The following TBP variants were observed in gnomAD, a reference collection of about 807,000 sequenced individuals.
TBP encodes the protein TATA-box binding protein.
TBP carries 12 observed loss-of-function variants against 46.2 expected under a neutral mutation model. The ratio of observed to expected loss-of-function variants is 0.26; its 90% CI spans 0.17 to 0.42. The LOEUF is 0.42. TBP is among the 10% of genes least tolerant of loss of function. TBP has a pLI of 1.00. For missense variants in TBP, 229 were observed against 403.1 expected (o/e 0.57, Z 3.70); for synonymous variants, 157 against 148.3 (o/e 1.06, Z -0.42).
chr6:170,571,456 C>T lies in TBP; in HGVS notation c.892C>T (p.Pro298Ser). Residue 298 changes from proline to serine, a missense_variant, in exon 7 of 8, where the codon CCC becomes TCC. By Grantham distance (74) the Pro-to-Ser change is moderately conservative (BLOSUM62 -1). This residue lies in a region of TBP where 44 missense variants were observed against 54.1 expected (regional missense o/e 0.81). Transcript: ENST00000392092. ...TGGTTTAATCTACAGAATGATCAAA[C>T]CCAGAATTGTTCTCCTTATTTTTGT... ...FPGLIYRMIKPRIVLLIFVSG... is the reference protein window; with the variant it reads ...FPGLIYRMIKSRIVLLIFVSG... 1.2e-6 allele frequency: 2 copies of T among 1,613,928 alleles called. No homozygotes were observed. The highest frequency in any genetic ancestry group is 1.7e-6 in the Non-Finnish European group (2 of 1,179,952).
rs1357835378 is a variant in TBP, at chr6:170,572,601, T to C, written c.*336T>C. 1.6e-5 allele frequency: 4 copies of C among 242,820 alleles called. No homozygotes were observed. The highest frequency in any genetic ancestry group is 2.3e-5 in the Non-Finnish European group (3 of 128,184). The allele number at this position is 242,820 out of a possible 1,614,324, so 15.0% of individuals were successfully genotyped here. On this transcript the variant is annotated 3_prime_UTR_variant, in exon 8 of 8. Transcript: ENST00000392092. ...ACTTTAAGTGTTAAAGCCACCTCTA[T>C]AATTGATTGGACTTTTTAATTTTAA...
intron 2 of TBP, 96 bp from the exon 3 acceptor site, chr6:170,561,695 C>G: frequency 3.9e-6 from 6 of 1,527,560 alleles, no homozygotes; most frequent in Non-Finnish European, 5.3e-6. Flanking sequence ...CCGAAGGCAT[C>G]TGTCTTTGCA....
At chr6:170,569,056 A>G (rs1779324974) in intron 5 of TBP, among the ~76,000 whole-genome samples, 1 of 151,402 alleles carries the variant, frequency 6.6e-6, no homozygotes, top group South Asian at 2.1e-4. Flanking sequence ...CAGGTGAGCT[A>G]TCCGCCTTGG....
Position 170,569,534 on chromosome 6 carries a change from C to T in TBP, c.678-78C>T, listed in dbSNP as rs1224659528. On this transcript the variant is annotated intron_variant, in intron 5 of 7. Transcript: ENST00000392092. ...CACTTTATTAGTTTACTGTTTTGGA[C>T]TTTTTATAAGTTATTAGTCTAAATA... is the stretch of plus-strand genomic sequence containing the variant. 8 of 1,366,490 alleles carry T rather than the reference C, an allele frequency of 5.9e-6. No individual in the cohort carries two copies. In the African/African-American group the frequency reaches 1.2e-4, roughly 20 times the overall value. The allele number at this position is 1,366,490 out of a possible 1,614,324, so 84.6% of individuals were successfully genotyped here. A position where few individuals can be genotyped will look rare whatever the true frequency, so the allele number is the denominator to read the frequency against.
chr6:170,571,842 A>C (rs1260487389), intron 7 of TBP, among the ~76,000 whole-genome samples: 1 of 151,996 alleles, frequency 6.6e-6, no homozygotes. Flanking sequence ...AAATGAGTCT[A>C]GTTGAAGGCA....
chr6:170,567,714 A>G (rs1779291034), intron 5 of TBP, among the ~76,000 whole-genome samples: 1 of 152,184 alleles, frequency 6.6e-6, no homozygotes, highest in Non-Finnish European at 1.5e-5. Context: ...CTGCCTTCTC[A>G]CTGGAACTAG....
At chr6:170,561,105 C>T (rs746953427) in intron 2 of TBP, among the ~76,000 whole-genome samples, 7 of 152,196 alleles carry the variant, frequency 4.6e-5, no homozygotes, top group Non-Finnish European at 1.0e-4. Flanking sequence ...CCATCAACAT[C>T]GAGGCAAGAT....
At chr6:170,556,711 C>T (rs1779037649) in intron 1 of TBP, among the ~76,000 whole-genome samples, 171 bp from the exon 2 acceptor site, 1 of 151,960 alleles carries the variant, frequency 6.6e-6, no homozygotes, top group South Asian at 2.1e-4. Flanking sequence ...ATGCAATCGC[C>T]GGAAACATGG....
At chr6:170,568,810 C>CTTTTTT (rs752964895) in intron 5 of TBP, among the ~76,000 whole-genome samples, 2 of 26,144 alleles carry the variant, frequency 7.6e-5, no homozygotes, top group Non-Finnish European at 1.3e-4. Context: ...TCTTTCTTTC[C>CTTTTTT]TTTTCTTTTT....
chr6:170,558,697 AT>A (rs149989324), intron 2 of TBP, among the ~76,000 whole-genome samples: 5,556 of 122,222 alleles, frequency 0.045, 322 homozygotes, highest in African/African-American at 0.16. Context: ...TTTTTTTTGT[AT>A]TTTTTTTTTA....
At chr6:170,561,669 ATAACCCCAT>A (rs1779140036) in intron 2 of TBP, 113 bp from the exon 3 acceptor site, 13 of 1,501,188 alleles carry the variant, frequency 8.7e-6, no homozygotes, top group Non-Finnish European at 1.2e-5. Flanking sequence ...TTAATGTTTA[ATAACCCCAT>A]TATTCTCCGA....
chr6:170,565,006 A>C (rs1237198962), intron 4 of TBP, among the ~76,000 whole-genome samples: 1 of 152,078 alleles, frequency 6.6e-6, no homozygotes, highest in African/African-American at 2.4e-5. Flanking sequence ...AAAATACAAA[A>C]ATTTGCCGGG....
At chr6:170,570,261 T>C (rs969857466) in intron 6 of TBP, among the ~76,000 whole-genome samples, 1 of 152,150 alleles carries the variant, frequency 6.6e-6, no homozygotes, top group African/African-American at 2.4e-5. Flanking sequence ...CATCTCATGG[T>C]CTTCTGGTGT....
chr6:170,555,445 C>A (rs1779001596), intron 1 of TBP, among the ~76,000 whole-genome samples: 1 of 152,210 alleles, frequency 6.6e-6, no homozygotes, highest in South Asian at 2.1e-4. Flanking sequence ...ATGAGCCCAC[C>A]AATATGTGCT....
At position 170,572,292 on chromosome 6, in the gene TBP, C is replaced by A. The variant is rs1562363539; in HGVS notation, c.*27C>A. 1 of 1,541,686 alleles carries A rather than the reference C, an allele frequency of 6.5e-7. No individual in the cohort carries two copies. Among genetic ancestry groups the A allele is most frequent in the Non-Finnish European group, 8.8e-7 (1 of 1,131,556 alleles). On this transcript the variant is annotated 3_prime_UTR_variant, in exon 8 of 8. Coordinates refer to ENST00000392092, the MANE Select transcript of TBP (RefSeq NM_003194.5). ...GGCTCTCATGTACCCTTGCCTCCCC[C>A]ACCCCCTTCTTTTTTTTTTTTTAAA...
chr6:170,571,313 G>A, intron 6 of TBP, 97 bp from the exon 7 acceptor site: 1 of 793,168 alleles, frequency 1.3e-6, no homozygotes, highest in Non-Finnish European at 2.1e-6. Flanking sequence ...CTCTTGACTA[G>A]TTTGTTTATT....
In TBP at chr6:170,562,135, G is replaced by T. The variant is rs146082443; in HGVS notation, c.399G>T (p.Pro133=). ...AGACTCTCACAACTGCACCCTTGCCGGGCACCACTCCACTGTATCCCTCCC... is the reference window on the plus strand; with the variant it reads ...AGACTCTCACAACTGCACCCTTGCCTGGCACCACTCCACTGTATCCCTCCC... The part of the protein sequence containing the change: ...HSQTLTTAPL[P]GTTPLYPSPM... Residue 133 remains proline, a synonymous_variant, in exon 3 of 8, where the codon CCG becomes CCT. Coordinates refer to ENST00000392092, the MANE Select transcript of TBP (RefSeq NM_003194.5). The T allele has an allele frequency of 1.2e-6, 2 of 1,614,054 alleles. No individual in the cohort carries two copies. Among genetic ancestry groups the T allele is most frequent in the Admixed American group, 1.7e-5 (1 of 60,002 alleles).
intron 5 of TBP, chr6:170,567,238 G>A (rs1252965322): frequency 2.3e-5 from 4 of 171,436 alleles, no homozygotes; most frequent in East Asian, 1.6e-4. Flanking sequence ...ATGGGCAGGC[G>A]TGGTGTCTCA....
intron 5 of TBP, among the ~76,000 whole-genome samples, chr6:170,568,038 T>C (rs887344834): frequency 6.6e-6 from 1 of 152,220 alleles, no homozygotes; most frequent in African/African-American, 2.4e-5. Context: ...TTTGAAATTG[T>C]CTTTCAGTGA....
Sources: gnomAD v4.1 joint callset for allele counts (sites outside exome capture counted in the v4.1 genomes callset) on GRCh38, gnomAD v4.1.1 for gene constraint, gnomAD v4.1.1 regional missense constraint, MANE v1.5 for transcripts, NCBI Gene and HGNC (gene_info 2026-07-23, HGNC 2026-07-21) for gene names.